DARS1: variants seen among roughly 807,000 people sequenced by gnomAD.
DARS1 encodes aspartyl-tRNA synthetase 1.
Under a neutral mutation model 68.8 loss-of-function variants are expected in DARS1, and 51 were observed. The observed-to-expected ratio is 0.74, with a 90% CI of 0.59 to 0.94. The LOEUF is 0.94. Ranked by LOEUF, DARS1 falls within the 40% of genes least tolerant of loss-of-function variation. The pLI, the probability that DARS1 is intolerant of heterozygous loss-of-function variation, is 0.00. For missense variants in DARS1, 607 were observed against 597.3 expected, an observed-to-expected ratio of 1.02 and a Z score of -0.17; for synonymous variants, 203 against 190.4, an observed-to-expected ratio of 1.07 and a Z score of -0.55.
intron 12 of DARS1, among the ~76,000 whole-genome samples, chr2:135,913,789 T>A (rs1258306395): frequency 6.6e-6 from 1 of 152,098 alleles, no homozygotes. Flanking sequence ...TCCAACAGTT[T>A]TTGACTTTCA....
At chr2:135,934,438 A>G (rs553425682) in intron 5 of DARS1, among the ~76,000 whole-genome samples, 3 of 152,060 alleles carry the variant, frequency 2.0e-5, no homozygotes, top group Non-Finnish European at 4.4e-5. Flanking sequence ...GCTAAGCAAC[A>G]TGGTGAAACC....
chr2:135,946,821 C>T (rs1681733524), intron 4 of DARS1, among the ~76,000 whole-genome samples: 1 of 152,114 alleles, frequency 6.6e-6, no homozygotes. Context: ...GACGAGTCCT[C>T]CTGAGCATAT....
At chr2:135,914,591 G>A in intron 11 of DARS1, 80 bp from the exon 12 acceptor site, 1 of 883,774 alleles carries the variant, frequency 1.1e-6, no homozygotes, top group Non-Finnish European at 1.9e-6. Context: ...TTCTATTTGA[G>A]TTTCTCAAGG....
intron 3 of DARS1, among the ~76,000 whole-genome samples, chr2:135,965,874 A>T: frequency 6.6e-6 from 1 of 152,132 alleles, no homozygotes; most frequent in East Asian, 1.9e-4. Flanking sequence ...AAACAAACAA[A>T]CCATCAGTAC....
At chr2:135,927,381 T>A (rs193000931) in intron 7 of DARS1, among the ~76,000 whole-genome samples, 1 of 152,176 alleles carries the variant, frequency 6.6e-6, no homozygotes, top group South Asian at 2.1e-4. Flanking sequence ...TGACAAGGAA[T>A]GTACAAATAC....
chr2:135,925,901 A>G (rs952939795), intron 7 of DARS1, among the ~76,000 whole-genome samples: 1 of 152,238 alleles, frequency 6.6e-6, no homozygotes, highest in African/African-American at 2.4e-5. Flanking sequence ...TATATTCTAT[A>G]AGAGGGTCAC....
At chr2:135,979,772 C>T (rs117843158) in intron 2 of DARS1, among the ~76,000 whole-genome samples, 1 of 152,180 alleles carries the variant, frequency 6.6e-6, no homozygotes, top group Non-Finnish European at 1.5e-5. Context: ...GCCTATCCTG[C>T]CTAGGACATG....
intron 6 of DARS1, among the ~76,000 whole-genome samples, 187 bp downstream of exon 6, chr2:135,933,719 CTTAA>C (rs1352753419): frequency 2.0e-5 from 3 of 151,916 alleles, no homozygotes; most frequent in Non-Finnish European, 4.4e-5. Context: ...TTGTAGGGTT[CTTAA>C]TTATTTTTAA....
At chr2:135,981,107 G>C (rs1682621365) in intron 2 of DARS1, among the ~76,000 whole-genome samples, 1 of 152,180 alleles carries the variant, frequency 6.6e-6, no homozygotes, top group African/African-American at 2.4e-5. Context: ...TTTTTGCAGA[G>C]GTAAAACCAA....
chr2:135,973,472 A>AT (rs758296685), intron 3 of DARS1, among the ~76,000 whole-genome samples: 184 of 145,520 alleles, frequency 1.3e-3, no homozygotes, highest in South Asian at 2.3e-3. Flanking sequence ...ATTAATGGGT[A>AT]CCAAAAAAAA....
At chr2:135,927,914 A>T (rs1326590843) in intron 7 of DARS1, among the ~76,000 whole-genome samples, 1 of 152,190 alleles carries the variant, frequency 6.6e-6, no homozygotes, top group East Asian at 1.9e-4. Context: ...AGGGAAAAAC[A>T]ATATTCTGCA....
intron 15 of DARS1, among the ~76,000 whole-genome samples, chr2:135,907,820 A>C (rs1044024860): frequency 6.6e-6 from 1 of 152,172 alleles, no homozygotes; most frequent in African/African-American, 2.4e-5. Context: ...AGTATGAGAA[A>C]ATTTACTGTT....
chr2:135,912,862 G>A (rs1680925323), intron 12 of DARS1, among the ~76,000 whole-genome samples: 1 of 151,474 alleles, frequency 6.6e-6, no homozygotes, highest in Admixed American at 6.6e-5. Flanking sequence ...TGCATGATGA[G>A]ATCATGGCTT....
At chr2:135,935,698 A>C (rs1681454325) in intron 5 of DARS1, among the ~76,000 whole-genome samples, 1 of 152,218 alleles carries the variant, frequency 6.6e-6, no homozygotes, top group Non-Finnish European at 1.5e-5. Flanking sequence ...TAAAGACTGA[A>C]CTAGAGTTTT....
intron 7 of DARS1, among the ~76,000 whole-genome samples, chr2:135,926,547 G>C (rs1469801202): frequency 6.6e-6 from 1 of 151,938 alleles, no homozygotes; most frequent in African/African-American, 2.4e-5. Flanking sequence ...GCTTTTAAAT[G>C]GTTTAATTTG....
chr2:135,926,639 A>G (rs1463538115), intron 7 of DARS1, among the ~76,000 whole-genome samples: 1 of 152,260 alleles, frequency 6.6e-6, no homozygotes. Context: ...TTAAAAGTAA[A>G]TAACAAGAAA....
chr2:135,934,376 C>T (rs1370718704), intron 5 of DARS1, among the ~76,000 whole-genome samples: 2 of 152,070 alleles, frequency 1.3e-5, no homozygotes, highest in East Asian at 1.9e-4. Context: ...AATCTCAGCA[C>T]TTAGGGAGGC....
At position 135,912,598 on chromosome 2, in the gene DARS1, T is replaced by C. The variant is rs752907217; in HGVS notation, c.1150-32A>G. The stretch of plus-strand genomic sequence containing the variant: ...AAAGAATAAATGCAATTAAAATACA[T>C]TTTTAAAAAGTAAAATGGCTAACAT... On this transcript the variant is annotated intron_variant, in intron 12 of 15. Transcript: ENST00000264161. 2.6e-5 allele frequency: 20 copies of C among 763,214 alleles called. 1 individual carries two copies. In the Admixed American group the frequency reaches 4.8e-4, roughly 18 times the overall value. The allele number at this position is 763,214 out of a possible 1,614,324, so 47.3% of individuals were successfully genotyped here.
chr2:135,933,790 A>G, intron 6 of DARS1, 120 bp downstream of exon 6: 1 of 1,321,302 alleles, frequency 7.6e-7, no homozygotes, highest in Non-Finnish European at 9.8e-7. Flanking sequence ...TTTAAGAGTA[A>G]GTTTAAATAA....
Sources: allele counts gnomAD v4.1 joint callset (sites outside exome capture counted in the v4.1 genomes callset), GRCh38; gene constraint gnomAD v4.1.1; transcripts MANE v1.5; gene names NCBI Gene and HGNC (gene_info 2026-07-23, HGNC 2026-07-21).